SPEN: variants seen among roughly 807,000 people sequenced by gnomAD.
The protein encoded by SPEN is msx2-interacting protein.
In SPEN, 18 loss-of-function variants were observed where a neutral mutation model predicts 269.9. That is an observed-to-expected ratio of 0.07 (90% CI 0.05 to 0.10). SPEN has a LOEUF of 0.10. Ranked by LOEUF, SPEN falls within the 10% of genes least tolerant of loss-of-function variation. The pLI is 1.00. For missense variants in SPEN, 3,822 were observed against 4,631.2 expected (o/e 0.83, Z 5.07); for synonymous variants, 1,726 against 1,765.7 (o/e 0.98, Z 0.56).
Position 15,910,983 on chromosome 1 carries a change from A to G in SPEN, c.1043-118A>G, listed in dbSNP as rs182426137. Reference sequence around the variant, plus strand: ...TCAGACCTTGTTATGACATTAGTATATTACCTGTCTGACATGAACAAAAAA... The same window carrying G: ...TCAGACCTTGTTATGACATTAGTATGTTACCTGTCTGACATGAACAAAAAA... On this transcript the variant is annotated intron_variant, in intron 4 of 14. Transcript: ENST00000375759. The G allele has an allele frequency of 1.1e-5, 9 of 805,938 alleles. No individual in the cohort carries two copies. The Admixed American group carries it at 1.4e-4, about 13-fold the overall frequency. 49.9% of individuals were successfully genotyped at this position (805,938 alleles called of 1,614,324 possible). A position where few individuals can be genotyped will look rare whatever the true frequency, so the allele number is the denominator to read the frequency against.
chr1:15,916,093 CT>C, intron 5 of SPEN, 34 bp from the exon 6 acceptor site: 1 of 1,580,996 alleles, frequency 6.3e-7, no homozygotes, highest in African/African-American at 1.4e-5. Flanking sequence ...AAAATACTGT[CT>C]TCTCTTTTTA....
rs933410631 is a variant in SPEN, at chr1:15,918,919, T to G, written c.1396-7T>G. 60 of 1,604,358 alleles carry G rather than the reference T, an allele frequency of 3.7e-5. No homozygotes were observed. The highest frequency in any genetic ancestry group is 4.8e-5 in the Non-Finnish European group (57 of 1,177,282). On this transcript the variant is annotated splice_region_variant and splice_polypyrimidine_tract_variant and intron_variant, in intron 6 of 14. Transcript: ENST00000375759. ...TATTGCTAAGTTGTATTCATTGGTT[T>G]TTTCAGGATATTGACATTAAGAAAG...
chr1:15,875,009 G>C (rs757516866), intron 2 of SPEN, among the ~76,000 whole-genome samples: 3 of 152,094 alleles, frequency 2.0e-5, no homozygotes, highest in Non-Finnish European at 4.4e-5. Context: ...CTTCATTGGA[G>C]AGATTCTAAT....
chr1:15,923,006 A>C (rs2071134027), intron 10 of SPEN, among the ~76,000 whole-genome samples: 1 of 152,206 alleles, frequency 6.6e-6, no homozygotes, highest in South Asian at 2.1e-4. Context: ...GTGCATTATA[A>C]ACTTTTAAAT....
intron 1 of SPEN, among the ~76,000 whole-genome samples, chr1:15,868,386 C>T (rs2070538463): frequency 1.3e-5 from 2 of 151,602 alleles, no homozygotes; most frequent in Admixed American, 1.3e-4. Flanking sequence ...ATTATTTTCT[C>T]CTATTCCATA....
At chr1:15,902,734 T>G (rs368952195) in intron 3 of SPEN, among the ~76,000 whole-genome samples, 1 of 152,326 alleles carries the variant, frequency 6.6e-6, no homozygotes, top group Non-Finnish European at 1.5e-5. Context: ...CAAACCTGAT[T>G]GAAAATCTTT....
intron 1 of SPEN, among the ~76,000 whole-genome samples, chr1:15,866,706 C>T (rs1389563163): frequency 6.6e-6 from 1 of 152,144 alleles, no homozygotes; most frequent in African/African-American, 2.4e-5. Flanking sequence ...TATATAAAAT[C>T]ATTTCATAAT....
Position 15,933,959 on chromosome 1 carries a change from C to G in SPEN, c.7719C>G (p.Pro2573=). 6.2e-7 allele frequency: 1 copy of G among 1,613,984 alleles called. No individual in the cohort carries two copies. Among genetic ancestry groups the G allele is most frequent in the Non-Finnish European group, 8.5e-7 (1 of 1,179,946 alleles). Residue 2573 remains proline, a synonymous_variant, in exon 11 of 15, where the codon CCC becomes CCG. Transcript: ENST00000375759. This position sits in a 1 kb window ranked among gnomAD's most constrained non-coding sequence, Gnocchi z 5.7. ...CCCCTTGCCTACATGAGGCCCCGCC[C>G]CCGCCAGTTGACTCTAAAAAGCCTT... The part of the protein sequence containing the change: ...SAAPCLHEAP[P]PPVDSKKPLE...
intron 5 of SPEN, among the ~76,000 whole-genome samples, chr1:15,912,416 A>G (rs752610428): frequency 2.2e-4 from 33 of 152,204 alleles, no homozygotes; most frequent in Non-Finnish European, 4.4e-4. Context: ...AGACACTTGA[A>G]CTTTAAGACT....
At position 15,933,195 on chromosome 1, in the gene SPEN, AAAG is replaced by A. The variant is rs1442226481; in HGVS notation, c.6959_6961del (p.Glu2320del). On this transcript the variant is annotated inframe_deletion, in exon 11 of 15. Coordinates refer to ENST00000375759, the MANE Select transcript of SPEN (RefSeq NM_015001.3). The surrounding 1 kb of genome is among the most constrained non-coding windows in gnomAD (Gnocchi z 5.7). Reference sequence around the variant, plus strand: ...CTCAGTGCCAGAAGCCAAAGGGTCTAAAGAAGTGGAAGTCACTCTTGTTCGGAA... The same window carrying A: ...CTCAGTGCCAGAAGCCAAAGGGTCTAAAGTGGAAGTCACTCTTGTTCGGAA... 11 of 1,614,232 alleles carry A rather than the reference AAAG, an allele frequency of 6.8e-6. No individual in the cohort carries two copies. The highest frequency in any genetic ancestry group is 8.5e-6 in the Non-Finnish European group (10 of 1,180,048).
chr1:15,850,692 T>A (rs571370269), intron 1 of SPEN, among the ~76,000 whole-genome samples: 2 of 152,322 alleles, frequency 1.3e-5, no homozygotes, highest in South Asian at 4.1e-4. Flanking sequence ...TGGGATATAT[T>A]TTGTAAAATG....
chr1:15,908,234 TTTTG>T (rs981059550), intron 3 of SPEN, among the ~76,000 whole-genome samples: 30 of 152,080 alleles, frequency 2.0e-4, no homozygotes, highest in African/African-American at 7.0e-4. Flanking sequence ...TATTTGTTTG[TTTTG>T]TTTGTTTTAA....
In SPEN at chr1:15,933,595, C is replaced by T. The variant is rs559906789; in HGVS notation, c.7355C>T (p.Ser2452Phe). 1.2e-6 allele frequency: 2 copies of T among 1,614,042 alleles called. No individual in the cohort carries two copies. The highest frequency in any genetic ancestry group is 2.2e-5 in the South Asian group (2 of 91,076). The change falls in exon 11 of 15, where the codon TCC (serine) becomes TTC (phenylalanine). Residue 2452 changes from serine to phenylalanine, a missense_variant. Around this residue, in one of 16 missense-constraint regions of SPEN, gnomAD observed 727 missense variants for 737.9 expected, o/e 0.99. Transcript: ENST00000375759. This position sits in a 1 kb window ranked among gnomAD's most constrained non-coding sequence, Gnocchi z 5.7. ...EEPQARFRVH[S>F]IIESDPVTPP... ...CCTCAAGCCAGGTTCAGGGTGCATTCCATCATTGAAAGTGACCCGGTGACC... is the reference window on the plus strand; with the variant it reads ...CCTCAAGCCAGGTTCAGGGTGCATTTCATCATTGAAAGTGACCCGGTGACC...
At chr1:15,850,532 A>C (rs1363173103) in intron 1 of SPEN, among the ~76,000 whole-genome samples, 3 of 152,064 alleles carry the variant, frequency 2.0e-5, no homozygotes. Context: ...CAGTTGCCAC[A>C]CTTCCTCCCC....
At position 15,939,490 on chromosome 1, in the gene SPEN, A is replaced by C. The variant is rs1570078674; in HGVS notation, c.*63A>C. 1 of 1,463,798 alleles carries C rather than the reference A, an allele frequency of 6.8e-7. No individual in the cohort carries two copies. Among genetic ancestry groups the C allele is most frequent in the Non-Finnish European group, 9.1e-7 (1 of 1,100,908 alleles). The allele number at this position is 1,463,798 out of a possible 1,614,324, so 90.7% of individuals were successfully genotyped here. On this transcript the variant is annotated 3_prime_UTR_variant, in exon 15 of 15. Coordinates refer to ENST00000375759, the MANE Select transcript of SPEN (RefSeq NM_015001.3). This position sits in a 1 kb window ranked among gnomAD's most constrained non-coding sequence, Gnocchi z 4.1. Reference sequence around the variant, plus strand: ...GGCTCTGCAGTAAAAACAAAGGACAACCCAGCCAAGCAGAGGAAGAAGCTG... The same window carrying C: ...GGCTCTGCAGTAAAAACAAAGGACACCCCAGCCAAGCAGAGGAAGAAGCTG...
In SPEN at chr1:15,868,764, C is replaced by G. The variant is rs186919377; in HGVS notation, c.84-4052C>G. Among the ~76,000 whole-genome samples, 980 of 152,248 alleles carry G rather than the reference C, an allele frequency of 6.4e-3. 8 individuals are homozygous for G. The highest frequency in any genetic ancestry group is 0.02 in the Middle Eastern group (6 of 294). On this transcript the variant is annotated intron_variant, in intron 1 of 14. Transcript: ENST00000375759. Reference sequence around the variant, plus strand: ...TAAACTATTAACTGTTTTAATTTGTCATTGTCATTTAGCTATTTAGATTTA... The same window carrying G: ...TAAACTATTAACTGTTTTAATTTGTGATTGTCATTTAGCTATTTAGATTTA...
At chr1:15,858,613 A>G (rs1481499266) in intron 1 of SPEN, among the ~76,000 whole-genome samples, 4 of 152,220 alleles carry the variant, frequency 2.6e-5, no homozygotes, top group African/African-American at 9.7e-5. Flanking sequence ...TAAGTGATGC[A>G]TGACTATATT....
intron 3 of SPEN, among the ~76,000 whole-genome samples, chr1:15,893,064 C>T (rs1211529952): frequency 1.3e-5 from 2 of 152,206 alleles, no homozygotes; most frequent in Non-Finnish European, 2.9e-5. Flanking sequence ...CGCCATTGCA[C>T]TCCAGCCTGG....
intron 8 of SPEN, 24 bp from the exon 9 acceptor site, chr1:15,920,846 G>GTTTT: frequency 6.7e-7 from 1 of 1,485,906 alleles, no homozygotes; most frequent in East Asian, 2.3e-5. Context: ...GCTCTTACTT[G>GTTTT]TTTTTTGTTT....
Sources: gnomAD v4.1 joint callset for allele counts (sites outside exome capture counted in the v4.1 genomes callset) on GRCh38, gnomAD v4.1.1 for gene constraint, gnomAD v4.1.1 regional missense constraint, Gnocchi (gnomAD v3.1) non-coding constraint, MANE v1.5 for transcripts, NCBI Gene and HGNC (gene_info 2026-07-23, HGNC 2026-07-21) for gene names.